The following RAD51B variants were observed in gnomAD, a reference collection of about 807,000 sequenced individuals.
RAD51B encodes DNA repair protein RAD51 homolog 2.
RAD51B carries 38 observed loss-of-function variants against 42.2 expected under a neutral mutation model. The ratio of observed to expected loss-of-function variants is 0.90; its 90% confidence interval spans 0.70 to 1.18. The LOEUF is 1.18. RAD51B is among the 50% of genes most tolerant of loss of function. The pLI, the probability that RAD51B is intolerant of heterozygous loss-of-function variation, is 0.00. For synonymous variants in RAD51B, 154 were observed against 145.2 expected, an observed-to-expected ratio of 1.06 and a Z score of -0.43; for missense variants, 373 against 400.7, an observed-to-expected ratio of 0.93 and a Z score of 0.59.
downstream of RAD51B, among the ~76,000 whole-genome samples, chr14:68,481,151 G>A (rs1344640379): frequency 6.6e-6 from 1 of 152,116 alleles, no homozygotes; most frequent in Non-Finnish European, 1.5e-5. Context: ...GTGTTTTCTT[G>A]TAGTGCTCTC....
intron 10 of RAD51B, among the ~76,000 whole-genome samples, chr14:68,619,204 G>A (rs916345786): frequency 6.6e-6 from 1 of 152,212 alleles, no homozygotes; most frequent in African/African-American, 2.4e-5. Context: ...GCTGGGCGTG[G>A]TGGCTCACGC....
At chr14:68,478,765 G>T (rs147806472), downstream of RAD51B, among the ~76,000 whole-genome samples, 251 of 152,320 alleles carry the variant, frequency 1.6e-3, no homozygotes, top group African/African-American at 5.9e-3. Flanking sequence ...TCTCCTATGA[G>T]TGCCCAACAG....
At chr14:68,354,868 G>A (rs80316147) in intron 8 of RAD51B, among the ~76,000 whole-genome samples, 6,085 of 152,238 alleles carry the variant, frequency 0.04, 142 homozygotes, top group African/African-American at 0.056. Context: ...GAATTTTGAC[G>A]TGGGAGCCCC....
chr14:67,985,753 T>A (rs1454552805), intron 7 of RAD51B, among the ~76,000 whole-genome samples: 3 of 150,694 alleles, frequency 2.0e-5, no homozygotes, highest in South Asian at 2.1e-4. Flanking sequence ...AAAAAAAAAA[T>A]TCAAAAATTA....
chr14:67,845,836 C>T lies in RAD51B; in HGVS notation c.315+10640C>T, dbSNP rs369124200. ...TTTGTAGGTGACTTGCCCCTTCCCT[C>T]TAGCTGCCTTTAACATTTTTTTCCT... On this transcript the variant is annotated intron_variant, in intron 4 of 10. Coordinates refer to ENST00000471583, the MANE Select transcript of RAD51B (RefSeq NM_133510.4). 7.9e-5 allele frequency among the ~76,000 whole-genome samples: 12 copies of T among 152,302 alleles called. No individual in the cohort carries two copies. The East Asian group carries it at 1.5e-3, about 20-fold the overall frequency.
chr14:67,921,180 T>C (rs1330263934), intron 7 of RAD51B, among the ~76,000 whole-genome samples: 1 of 151,978 alleles, frequency 6.6e-6, no homozygotes, highest in Non-Finnish European at 1.5e-5. Flanking sequence ...AAAATCAGAG[T>C]CCTTAGAGGA....
At chr14:68,618,715 C>T (rs1177555609) in intron 10 of RAD51B, among the ~76,000 whole-genome samples, 1 of 152,238 alleles carries the variant, frequency 6.6e-6, no homozygotes, top group Non-Finnish European at 1.5e-5. Context: ...TTTACTGACT[C>T]TAGCCTCAGT....
At chr14:68,504,811 A>G (rs1216859057) in intron 10 of RAD51B, among the ~76,000 whole-genome samples, 1 of 150,142 alleles carries the variant, frequency 6.7e-6, no homozygotes, top group Non-Finnish European at 1.5e-5. Context: ...TTCACTAGAC[A>G]CTGGAGCCCA....
At chr14:68,041,052 T>G (rs1413754329) in intron 7 of RAD51B, among the ~76,000 whole-genome samples, 1 of 152,198 alleles carries the variant, frequency 6.6e-6, no homozygotes, top group Non-Finnish European at 1.5e-5. Flanking sequence ...TGGTGGGAAG[T>G]GATTGGATCA....
chr14:67,882,959 G>A (rs2042956723), intron 5 of RAD51B, among the ~76,000 whole-genome samples: 2 of 152,204 alleles, frequency 1.3e-5, no homozygotes, highest in Admixed American at 6.5e-5. Flanking sequence ...TGGCCAGGCT[G>A]GTCTTGAACT....
At chr14:68,452,259 G>A (rs749255044) in intron 9 of RAD51B, among the ~76,000 whole-genome samples, 4 of 152,084 alleles carry the variant, frequency 2.6e-5, no homozygotes, top group Non-Finnish European at 4.4e-5. Context: ...AATTCCTTGC[G>A]ACAGTATTTG....
At chr14:68,025,090 G>T (rs1391370642) in intron 7 of RAD51B, among the ~76,000 whole-genome samples, 1 of 151,860 alleles carries the variant, frequency 6.6e-6, no homozygotes, top group African/African-American at 2.4e-5. Flanking sequence ...AGCTTTTTCT[G>T]CATCTATTAT....
chr14:68,202,676 G>A (rs1313237556), intron 7 of RAD51B, among the ~76,000 whole-genome samples: 17 of 147,894 alleles, frequency 1.1e-4, no homozygotes, highest in Admixed American at 8.5e-4. Flanking sequence ...TCTGCTTCCC[G>A]GGTTAAAGCG....
chr14:67,930,455 T>C (rs78669485), intron 7 of RAD51B, among the ~76,000 whole-genome samples: 9,095 of 152,212 alleles, frequency 0.06, 642 homozygotes, highest in African/African-American at 0.17. Context: ...TTATGAAGGA[T>C]AATTTTGCTG....
At chr14:67,822,003 G>A (rs2040645117) in intron 1 of RAD51B, among the ~76,000 whole-genome samples, 2 of 152,106 alleles carry the variant, frequency 1.3e-5, no homozygotes, top group African/African-American at 4.8e-5. Flanking sequence ...GTGTGTGTGT[G>A]TGTGAGAGAG....
chr14:68,251,344 T>C (rs989040768), intron 7 of RAD51B, among the ~76,000 whole-genome samples: 1 of 152,204 alleles, frequency 6.6e-6, no homozygotes, highest in South Asian at 2.1e-4. Flanking sequence ...TTAAAATTCC[T>C]TCTTAAAAGC....
At chr14:68,244,311 T>C (rs1403586763) in intron 7 of RAD51B, among the ~76,000 whole-genome samples, 1 of 152,250 alleles carries the variant, frequency 6.6e-6, no homozygotes, top group African/African-American at 2.4e-5. Flanking sequence ...GGCTTTTTCC[T>C]GTATTTGGGA....
intron 8 of RAD51B, among the ~76,000 whole-genome samples, chr14:68,408,904 A>G (rs2084348583): frequency 6.6e-6 from 1 of 152,172 alleles, no homozygotes; most frequent in South Asian, 2.1e-4. Context: ...AACTCACCAC[A>G]GTACTCACCA....
At chr14:68,672,904 T>C (rs1471612754) in intron 11 of RAD51B, among the ~76,000 whole-genome samples, 1 of 152,168 alleles carries the variant, frequency 6.6e-6, no homozygotes, top group African/African-American at 2.4e-5. Flanking sequence ...TACATCCCCC[T>C]GAAGACAGGC....
Sources: allele counts gnomAD v4.1 joint callset (sites outside exome capture counted in the v4.1 genomes callset), GRCh38; gene constraint gnomAD v4.1.1; transcripts MANE v1.5; gene names NCBI Gene and HGNC (gene_info 2026-07-23, HGNC 2026-07-21).